Variants in COL25A1 observed in about 807,000 individuals in gnomAD.
The protein encoded by COL25A1 is collagen type XXV alpha 1 chain.
Under a neutral mutation model 128.4 loss-of-function variants are expected in COL25A1, and 103 were observed. The ratio of observed to expected loss-of-function variants is 0.80; its 90% CI spans 0.68 to 0.94. The LOEUF (loss-of-function observed/expected upper bound fraction) is 0.94, where lower values mean the gene tolerates loss of function less well. COL25A1 is among the 40% of genes least tolerant of loss of function. COL25A1 has a pLI of 0.00. For missense variants in COL25A1, 745 were observed against 840.0 expected, an observed-to-expected ratio of 0.89 and a Z score of 1.40; for synonymous variants, 279 against 277.2, an observed-to-expected ratio of 1.01 and a Z score of -0.06.
chr4:109,074,627 TTAAG>T (rs1560643002), intron 3 of COL25A1, among the ~76,000 whole-genome samples: 1 of 152,198 alleles, frequency 6.6e-6, no homozygotes, highest in African/African-American at 2.4e-5. Context: ...GTGACTTAGT[TTAAG>T]TAATGAAATT....
At chr4:109,155,687 A>C (rs970399853) in intron 3 of COL25A1, among the ~76,000 whole-genome samples, 1 of 152,232 alleles carries the variant, frequency 6.6e-6, no homozygotes, top group Non-Finnish European at 1.5e-5. Flanking sequence ...ATTATCACAG[A>C]CTAATCTATC....
rs62314609 is a variant in COL25A1 at position 108,906,614 on chromosome 4, G to A, written c.781-5442C>T. On this transcript the variant is annotated intron_variant, in intron 13 of 37. Coordinates refer to ENST00000399132, the MANE Select transcript of COL25A1 (RefSeq NM_198721.4). The stretch of plus-strand genomic sequence containing the variant: ...CAGATAAATAATGAATCATATTTTA[G>A]TTAAATATATTCCAAATATTAAATG... 7.9e-3 allele frequency among the ~76,000 whole-genome samples: 1,197 copies of A among 152,298 alleles called. 7 individuals are homozygous for A. Among genetic ancestry groups the A allele is most frequent in the Middle Eastern group, 0.031 (9 of 294 alleles).
chr4:109,033,226 T>C (rs1403155469), intron 5 of COL25A1, among the ~76,000 whole-genome samples: 1 of 152,162 alleles, frequency 6.6e-6, no homozygotes, highest in Non-Finnish European at 1.5e-5. Context: ...AGTGTATAGG[T>C]GTATGAAGCA....
chr4:109,048,559 T>C (rs780190137), intron 4 of COL25A1, among the ~76,000 whole-genome samples: 1 of 152,188 alleles, frequency 6.6e-6, no homozygotes, highest in South Asian at 2.1e-4. Context: ...TTTCTTGAGT[T>C]TGATAAAACA....
intron 3 of COL25A1, among the ~76,000 whole-genome samples, chr4:109,284,959 G>A (rs967672055): frequency 1.3e-4 from 20 of 151,456 alleles, no homozygotes; most frequent in Non-Finnish European, 2.5e-4. Flanking sequence ...ATAGAATTAC[G>A]AGACCAGCAA....
chr4:108,890,165 T>A (rs560215018), intron 16 of COL25A1, among the ~76,000 whole-genome samples: 1 of 152,366 alleles, frequency 6.6e-6, no homozygotes, highest in Non-Finnish European at 1.5e-5. Context: ...TACTGGGAGT[T>A]CCCTGACCCT....
intron 3 of COL25A1, among the ~76,000 whole-genome samples, chr4:109,050,423 G>C (rs1364844): frequency 0.38 from 58,216 of 151,396 alleles, 12,330 homozygotes; most frequent in East Asian, 0.66. Flanking sequence ...ACTAACGATT[G>C]GGAATTTTTG....
intron 3 of COL25A1, among the ~76,000 whole-genome samples, chr4:109,273,388 C>T (rs907170439): frequency 2.6e-5 from 4 of 152,062 alleles, no homozygotes; most frequent in African/African-American, 9.7e-5. Context: ...TGCTAAGTGC[C>T]ATGCAGAGTC....
intron 3 of COL25A1, among the ~76,000 whole-genome samples, chr4:109,222,840 A>C (rs17040091): frequency 0.087 from 13,192 of 152,244 alleles, 1,191 homozygotes; most frequent in African/African-American, 0.23. Context: ...TACAAATCCA[A>C]CTTATTGTTT....
At chr4:109,157,606 T>C (rs1027641152) in intron 3 of COL25A1, among the ~76,000 whole-genome samples, 11 of 152,326 alleles carry the variant, frequency 7.2e-5, no homozygotes, top group Non-Finnish European at 1.6e-4. Flanking sequence ...TAAGGAGAGA[T>C]AGTAATACAT....
At chr4:108,965,185 G>A (rs1387792433) in intron 8 of COL25A1, among the ~76,000 whole-genome samples, 2 of 152,170 alleles carry the variant, frequency 1.3e-5, no homozygotes, top group African/African-American at 4.8e-5. Context: ...GTTTTGCATA[G>A]TCCCAGCTGT....
chr4:109,032,791 C>T (rs1472939514), intron 5 of COL25A1, among the ~76,000 whole-genome samples: 4 of 152,138 alleles, frequency 2.6e-5, no homozygotes, highest in African/African-American at 4.8e-5. Flanking sequence ...TCTTTCTGAA[C>T]GATTCTAAAT....
chr4:108,848,925 G>C, intron 26 of COL25A1, 122 bp from the exon 27 acceptor site: 1 of 706,686 alleles, frequency 1.4e-6, no homozygotes, highest in Non-Finnish European at 2.5e-6. Flanking sequence ...ATCATAACCC[G>C]AGAATATTCT....
intron 3 of COL25A1, among the ~76,000 whole-genome samples, chr4:109,099,549 T>C (rs1216164055): frequency 6.6e-6 from 1 of 151,814 alleles, no homozygotes; most frequent in Non-Finnish European, 1.5e-5. Context: ...ATGGAACTTG[T>C]AGAACCAATA....
intron 3 of COL25A1, among the ~76,000 whole-genome samples, chr4:109,259,619 A>T (rs534991709): frequency 1.3e-5 from 2 of 152,316 alleles, no homozygotes; most frequent in South Asian, 2.1e-4. Context: ...GCCACATTAC[A>T]CTTCAACAGC....
chr4:109,231,919 A>T (rs6533419), intron 3 of COL25A1, among the ~76,000 whole-genome samples: 55,730 of 152,042 alleles, frequency 0.37, 10,936 homozygotes, highest in African/African-American at 0.49. Flanking sequence ...AACAGCTTAA[A>T]CTATAAAGAA....
chr4:108,896,740 A>C, intron 15 of COL25A1, 29 bp from the exon 16 acceptor site: 1 of 1,596,846 alleles, frequency 6.3e-7, no homozygotes, highest in East Asian at 2.2e-5. Context: ...GACACATGTA[A>C]AATACATTGG....
At chr4:109,152,806 C>CCTACATATTTA (rs1172863659) in intron 3 of COL25A1, among the ~76,000 whole-genome samples, 10 of 152,076 alleles carry the variant, frequency 6.6e-5, no homozygotes, top group African/African-American at 1.4e-4. Flanking sequence ...ATATGAGGTA[C>CCTACATATTTA]CTACAGTAGT....
chr4:108,983,186 GA>G (rs1753190768), intron 6 of COL25A1, among the ~76,000 whole-genome samples: 1 of 151,738 alleles, frequency 6.6e-6, no homozygotes, highest in African/African-American at 2.4e-5. Flanking sequence ...GTTTAACTTT[GA>G]TTTTTTTTTA....
Sources: allele counts gnomAD v4.1 joint callset (sites outside exome capture counted in the v4.1 genomes callset), GRCh38; gene constraint gnomAD v4.1.1; transcripts MANE v1.5; gene names NCBI Gene and HGNC (gene_info 2026-07-23, HGNC 2026-07-21).